The following C2orf15 variants were observed in gnomAD, a reference collection of about 807,000 sequenced individuals.
C2orf15 encodes uncharacterized protein C2orf15.
C2orf15 carries 3 observed loss-of-function variants against 4.4 expected under a neutral mutation model. The ratio of observed to expected loss-of-function variants is 0.67; its 90% CI spans 0.31 to 1.74. The LOEUF is 1.74. C2orf15 is among the 40% of genes most tolerant of loss of function. The probability of loss-of-function intolerance (pLI) is 0.09; values close to 1 mark genes in which losing one functional copy is unlikely to be tolerated. For synonymous variants in C2orf15, 37 were observed against 36.8 expected (o/e 1.00, Z -0.02); for missense variants, 90 against 103.3 (o/e 0.87, Z 0.56).
At chr2:99,142,733 T>C (rs2093583070) in intron 2 of C2orf15, among the ~76,000 whole-genome samples, 1 of 152,230 alleles carries the variant, frequency 6.6e-6, no homozygotes, top group African/African-American at 2.4e-5. Flanking sequence ...GAATAATGTA[T>C]AATCTCATTT....
chr2:99,149,536 G>A (rs903125824), intron 3 of C2orf15, among the ~76,000 whole-genome samples: 5 of 146,098 alleles, frequency 3.4e-5, no homozygotes, highest in Admixed American at 2.1e-4. Flanking sequence ...TCAGCCTCCC[G>A]GGTTCACACC....
intron 3 of C2orf15, among the ~76,000 whole-genome samples, chr2:99,148,726 CT>C (rs2093657342): frequency 6.6e-6 from 1 of 152,136 alleles, no homozygotes; most frequent in South Asian, 2.1e-4. Context: ...AATCCTAGCA[CT>C]TTGGGAGCTG....
intron 2 of C2orf15, 34 bp from the exon 3 acceptor site, chr2:99,147,368 T>C: frequency 8.6e-7 from 1 of 1,157,704 alleles, no homozygotes. Context: ...GATTTATCTC[T>C]TTATGTACCT....
In C2orf15 at chr2:99,142,387, TC is replaced by T. The variant is rs2093576585; in HGVS notation, c.-181del. ...GCTCTCGTTTGAGGAGACTAACAAT[TC>T]CTGTTTTCGCCAGGTGAGTACTCAT... On this transcript the variant is annotated 5_prime_UTR_variant, in exon 2 of 4. Transcript: ENST00000650052. 1 of 152,224 alleles carries T rather than the reference TC, an allele frequency of 6.6e-6. No homozygotes were observed. The highest frequency in any genetic ancestry group is 1.5e-5 in the Non-Finnish European group (1 of 68,028). The allele number at this position is 152,224 out of a possible 1,614,324, so 9.4% of individuals were successfully genotyped here.
rs75507898 is a variant in C2orf15, at chr2:99,150,464, CTTT to C, written c.-76-6_-76-4del. The C allele has an allele frequency of 6.6e-4, 734 of 1,109,254 alleles. No individual in the cohort carries two copies. Among genetic ancestry groups the C allele is most frequent in the South Asian group, 1.2e-3 (72 of 59,832 alleles). The allele number at this position is 1,109,254 out of a possible 1,614,324, so 68.7% of individuals were successfully genotyped here. On this transcript the variant is annotated splice_polypyrimidine_tract_variant and intron_variant, in intron 3 of 3. Coordinates refer to ENST00000650052, the MANE Select transcript of C2orf15 (RefSeq NM_144706.4). ...AAATTCCTGCTGCATTCACTTGTTA[CTTT>C]TTTTTTTTTTTTCAGTAATCAAGTT...
At chr2:99,148,821 G>A (rs955858233) in intron 3 of C2orf15, among the ~76,000 whole-genome samples, 2 of 151,814 alleles carry the variant, frequency 1.3e-5, no homozygotes, top group Non-Finnish European at 2.9e-5. Context: ...AAATACAAAC[G>A]TTAGAGTTTC....
At position 99,147,512 on chromosome 2, in the gene C2orf15, A is replaced by T; in HGVS notation, c.-77+19A>T. On this transcript the variant is annotated intron_variant, in intron 3 of 3. Coordinates refer to ENST00000650052, the MANE Select transcript of C2orf15 (RefSeq NM_144706.4). ...AGTTAAGGTAAGACTCACAGGGCCA[A>T]GTCTACCCTATTATACTTGGTTCCT... The T allele has an allele frequency of 6.2e-7, 1 of 1,612,168 alleles. No individual in the cohort carries two copies. Among genetic ancestry groups the T allele is most frequent in the Non-Finnish European group, 8.5e-7 (1 of 1,178,216 alleles).
chr2:99,147,443 C>T lies in C2orf15; in HGVS notation c.-127C>T, dbSNP rs1466249817. On this transcript the variant is annotated 5_prime_UTR_variant, in exon 3 of 4. Transcript: ENST00000650052. ...CAACCTAAATGCCAGTCCAAAGAGG[C>T]CCCCAATAGACTTGTTCACCCTTCA... The T allele has an allele frequency of 6.2e-7, 1 of 1,612,954 alleles. No individual in the cohort carries two copies. Among genetic ancestry groups the T allele is most frequent in the Non-Finnish European group, 8.5e-7 (1 of 1,179,166 alleles).
intron 2 of C2orf15, among the ~76,000 whole-genome samples, chr2:99,145,769 A>AT (rs1307340180): frequency 2.6e-5 from 4 of 152,108 alleles, no homozygotes; most frequent in Admixed American, 6.6e-5. Flanking sequence ...TATGTAGATA[A>AT]TTTTTTTCTC....
rs145161984 is a variant in C2orf15, at chr2:99,148,099, TC to T, written c.-77+608del. Among the ~76,000 whole-genome samples, 609 of 152,318 alleles carry T rather than the reference TC, an allele frequency of 4.0e-3. 7 individuals carry two copies. Among genetic ancestry groups the T allele is most frequent in the African/African-American group, 0.014 (585 of 41,584 alleles). On this transcript the variant is annotated intron_variant, in intron 3 of 3. Transcript: ENST00000650052. ...TTAGCCTCCTTTAATCTGAAACAGT[TC>T]CTCAGCCTCTCTGTGTCTTTCATAA... is the stretch of plus-strand genomic sequence containing the variant.
chr2:99,143,133 CTTTTTTTTTT>C (rs10605521), intron 2 of C2orf15, among the ~76,000 whole-genome samples: 1 of 82,154 alleles, frequency 1.2e-5, no homozygotes, highest in Non-Finnish European at 2.3e-5. Context: ...CCAACTAAAC[CTTTTTTTTTT>C]TTTTTTTTTT....
At chr2:99,144,659 A>AAAAAAAAAAC (rs2093614012) in intron 2 of C2orf15, among the ~76,000 whole-genome samples, 1 of 150,956 alleles carries the variant, frequency 6.6e-6, no homozygotes, top group Non-Finnish European at 1.5e-5. Context: ...CAAAAAAAAA[A>AAAAAAAAAAC]AAAAAAAAAA....
At chr2:99,150,292 T>C (rs1174866380) in intron 3 of C2orf15, among the ~76,000 whole-genome samples, 191 bp from the exon 4 acceptor site, 6 of 152,178 alleles carry the variant, frequency 3.9e-5, no homozygotes, top group Non-Finnish European at 2.9e-5. Context: ...AAATTTCCTT[T>C]TAAAAAGACT....
chr2:99,148,799 C>T (rs1382605137), intron 3 of C2orf15, among the ~76,000 whole-genome samples: 4 of 151,934 alleles, frequency 2.6e-5, no homozygotes, highest in Non-Finnish European at 2.9e-5. Flanking sequence ...GGGGAAACCC[C>T]GTCTCTACTA....
At chr2:99,146,101 G>A (rs1484285779) in intron 2 of C2orf15, among the ~76,000 whole-genome samples, 1 of 152,186 alleles carries the variant, frequency 6.6e-6, no homozygotes, top group Non-Finnish European at 1.5e-5. Flanking sequence ...TGGCCAACAT[G>A]GCGAAACATC....
rs182208545 is a variant in C2orf15 at position 99,146,721 on chromosome 2, T to C, written c.-168-681T>C. Among the ~76,000 whole-genome samples the C allele has an allele frequency of 8.3e-4, 126 of 152,204 alleles. 2 individuals carry two copies. The highest frequency in any genetic ancestry group is 2.9e-3 in the Admixed American group (44 of 15,278). ...TCAGCTCACTGCAACCTCCACCCCC[T>C]GGGTTCAAGCGATTCTCCTGCCTCA... On this transcript the variant is annotated intron_variant, in intron 2 of 3. Coordinates refer to ENST00000650052, the MANE Select transcript of C2orf15 (RefSeq NM_144706.4).
At chr2:99,149,831 C>T (rs1346220975) in intron 3 of C2orf15, among the ~76,000 whole-genome samples, 3 of 142,354 alleles carry the variant, frequency 2.1e-5, no homozygotes, top group African/African-American at 5.3e-5. Flanking sequence ...TCGCTCTTGT[C>T]GCCCAGGCTG....
chr2:99,142,979 T>C (rs1000789496), intron 2 of C2orf15, among the ~76,000 whole-genome samples: 16 of 151,968 alleles, frequency 1.1e-4, no homozygotes, highest in African/African-American at 3.1e-4. Flanking sequence ...TATAAGGAAA[T>C]GATCATTTTA....
chr2:99,147,897 G>A lies in C2orf15; in HGVS notation c.-77+404G>A, dbSNP rs2093648428. Among the ~76,000 whole-genome samples, 4 of 152,230 alleles carry A rather than the reference G, an allele frequency of 2.6e-5. No homozygotes were observed. In the South Asian group the frequency reaches 8.3e-4, roughly 32 times the overall value. ...TGTATTTCCTAAGAACAAGGACATT[G>A]ACTTATATAACCACAATACAATTAT... is the stretch of plus-strand genomic sequence containing the variant. On this transcript the variant is annotated intron_variant, in intron 3 of 3. Transcript: ENST00000650052.
Sources: gnomAD v4.1 joint callset for allele counts (sites outside exome capture counted in the v4.1 genomes callset) on GRCh38, gnomAD v4.1.1 for gene constraint, MANE v1.5 for transcripts, NCBI Gene and HGNC (gene_info 2026-07-23, HGNC 2026-07-21) for gene names.